Variants in PCNX3 observed in about 807,000 individuals in gnomAD.
PCNX3 encodes pecanex 3, also known as pecanex-like protein 3.
PCNX3 carries 58 observed loss-of-function variants against 207.2 expected under a neutral mutation model. The observed-to-expected ratio is 0.28, with a 90% CI of 0.23 to 0.35. PCNX3 has a LOEUF of 0.35. Ranked by LOEUF, PCNX3 falls within the 10% of genes least tolerant of loss-of-function variation. The pLI is 1.00. For synonymous variants in PCNX3, 1,337 were observed against 1,183.5 expected (o/e 1.13, Z -2.66); for missense variants, 2,410 against 2,774.4 (o/e 0.87, Z 2.95).
At position 65,635,032 on chromosome 11, in the gene PCNX3, C is replaced by G; in HGVS notation, c.4865C>G (p.Ser1622Cys). Residue 1622 changes from serine to cysteine, a missense_variant, in exon 30 of 35, where the codon TCC (serine) becomes TGC (cysteine). By Grantham distance (112) the Ser-to-Cys change is moderately radical. Transcript: ENST00000355703. The surrounding 1 kb of genome is among the most constrained non-coding windows in gnomAD (Gnocchi z 9.9). ...TTCAAGGGGGATTTTCGCATCACCT[C>G]CCCACGTGACGAGTGGGTCTTTGCC... ...ALFKGDFRIT[S>C]PRDEWVFADM... 6.2e-7 allele frequency: 1 copy of G among 1,613,896 alleles called. No individual in the cohort carries two copies. The highest frequency in any genetic ancestry group is 1.3e-5 in the African/African-American group (1 of 75,026).
At chr11:65,634,446 T>G in intron 28 of PCNX3, 90 bp downstream of exon 28, 2 of 1,507,282 alleles carry the variant, frequency 1.3e-6, no homozygotes, top group Middle Eastern at 1.7e-4. Flanking sequence ...CCTCTCACTC[T>G]GAGCCTCCCT....
chr11:65,628,775 G>GGGGGGGGGGGGC, intron 23 of PCNX3, 44 bp from the exon 24 acceptor site: 26 of 1,500,230 alleles, frequency 1.7e-5, no homozygotes, highest in East Asian at 4.8e-5. Flanking sequence ...GTGGTGGGGG[G>GGGGGGGGGGGGC]CTGGGAGGTC....
Position 65,625,621 on chromosome 11 carries a change from G to A in PCNX3, c.3136-31G>A, listed in dbSNP as rs762273516. On this transcript the variant is annotated intron_variant, in intron 18 of 34. Coordinates refer to ENST00000355703, the MANE Select transcript of PCNX3 (RefSeq NM_032223.4). This position sits in a 1 kb window ranked among gnomAD's most constrained non-coding sequence, Gnocchi z 5.6. ...GGGCAGCTGAGTGTCTCTCCTGGCCGGGCAGCTGAATGTCTCTCCTGGCCC... is the reference window on the plus strand; with the variant it reads ...GGGCAGCTGAGTGTCTCTCCTGGCCAGGCAGCTGAATGTCTCTCCTGGCCC... 2 of 1,601,308 alleles carry A rather than the reference G, an allele frequency of 1.2e-6. No homozygotes were observed. The highest frequency in any genetic ancestry group is 1.3e-5 in the African/African-American group (1 of 74,774).
intron 1 of PCNX3, among the ~76,000 whole-genome samples, 173 bp downstream of exon 1, chr11:65,616,637 C>T (rs1454173610): frequency 1.3e-5 from 2 of 152,164 alleles, no homozygotes; most frequent in East Asian, 1.9e-4. Context: ...TGACCTTGAA[C>T]CCTACACTTA....
chr11:65,625,931 C>T lies in PCNX3; in HGVS notation c.3256C>T (p.Leu1086=), dbSNP rs1855363944. The change falls in exon 20 of 35, where the codon CTG becomes TTG. Residue 1086 remains leucine (L), a synonymous_variant. Coordinates refer to ENST00000355703, the MANE Select transcript of PCNX3 (RefSeq NM_032223.4). This position sits in a 1 kb window ranked among gnomAD's most constrained non-coding sequence, Gnocchi z 5.6. ...GGTGCTGGGTTTCGTGTTGTACGCA[C>T]TGGCTGGGGCCGTGGGCTTCTTCAC... is the stretch of plus-strand genomic sequence containing the variant. The part of the protein sequence containing the change: ...KSVLGFVLYA[L]AGAVGFFTHY... 1 of 1,613,714 alleles carries T rather than the reference C, an allele frequency of 6.2e-7. No individual in the cohort carries two copies. Among genetic ancestry groups the T allele is most frequent in the African/African-American group, 1.3e-5 (1 of 74,916 alleles).
rs753344823 is a variant in PCNX3, at chr11:65,625,259, G to A, written c.3008G>A (p.Ser1003Asn). 7 of 1,610,054 alleles carry A rather than the reference G, an allele frequency of 4.3e-6. No homozygotes were observed. Among genetic ancestry groups the A allele is most frequent in the Admixed American group, 1.7e-5 (1 of 59,978 alleles). The change falls in exon 17 of 35, where the codon AGC (serine) becomes AAC (asparagine). Residue 1003 changes from serine (S) to asparagine (N), a missense_variant. Coordinates refer to ENST00000355703, the MANE Select transcript of PCNX3 (RefSeq NM_032223.4). This position sits in a 1 kb window ranked among gnomAD's most constrained non-coding sequence, Gnocchi z 5.6. ...CTGTCCTACCACCTGAGCCGGCAGA[G>A]CAGCGACCCCACCGTGCTCTGGTGG... ...VALSYHLSRQ[S>N]SDPTVLWSLI...
chr11:65,633,547 C>T (rs905774804), intron 27 of PCNX3, among the ~76,000 whole-genome samples: 1 of 152,244 alleles, frequency 6.6e-6, no homozygotes, highest in Non-Finnish European at 1.5e-5. Flanking sequence ...CTCCCCGCCC[C>T]CTGCCCATGT....
Position 65,618,638 on chromosome 11 carries a change from G to A in PCNX3, c.1276G>A (p.Glu426Lys). ...CTTCTTTGAGGATGAAGACACTAGT[G>A]AGGGCAGTGAACTGAGCCCGGCCTC... ...GGFFEDEDTS[E>K]GSELSPASSL... The change falls in exon 6 of 35, where the codon GAG (glutamate) becomes AAG (lysine). Residue 426 changes from glutamate (E) to lysine (K), a missense_variant. Around this residue, in one of 8 missense-constraint regions of PCNX3, gnomAD observed 1,104 missense variants for 970.3 expected, o/e 1.14. Transcript: ENST00000355703. 1 of 1,613,088 alleles carries A rather than the reference G, an allele frequency of 6.2e-7. No homozygotes were observed. Among genetic ancestry groups the A allele is most frequent in the Non-Finnish European group, 8.5e-7 (1 of 1,179,844 alleles).
chr11:65,635,499 G>A lies in PCNX3; in HGVS notation c.5185-30G>A, dbSNP rs370816986. ...GCCCTGCCCCAAACCCCCTTGGGCC[G>A]GCCCCCTGACCCTGGCGTGTGGCTC... On this transcript the variant is annotated intron_variant, in intron 31 of 34. Coordinates refer to ENST00000355703, the MANE Select transcript of PCNX3 (RefSeq NM_032223.4). This position sits in a 1 kb window ranked among gnomAD's most constrained non-coding sequence, Gnocchi z 9.9. The A allele has an allele frequency of 3.4e-5, 55 of 1,606,896 alleles. No homozygotes were observed. The African/African-American group carries it at 3.6e-4, about 11-fold the overall frequency.
At position 65,634,277 on chromosome 11, in the gene PCNX3, G is replaced by A. The variant is rs111565484; in HGVS notation, c.4622G>A (p.Arg1541His). 1,221 of 1,611,726 alleles carry A rather than the reference G, an allele frequency of 7.6e-4. 4 individuals carry two copies. Among genetic ancestry groups the A allele is most frequent in the Non-Finnish European group, 8.8e-4 (1,043 of 1,179,248 alleles). ...AGTGTGGATGAGGACTATGACCTCC[G>A]CCTGTCTGGCCTCTCGCTGCCCTCC... Reference protein sequence around the residue: ...SLSVDEDYDLRLSGLSLPSFC... With the variant: ...SLSVDEDYDLHLSGLSLPSFC... Residue 1541 changes from arginine to histidine, a missense_variant, in exon 28 of 35, where the codon CGC (arginine) becomes CAC (histidine). Coordinates refer to ENST00000355703, the MANE Select transcript of PCNX3 (RefSeq NM_032223.4).
chr11:65,626,290 C>T (rs994431757), intron 20 of PCNX3: 2 of 685,200 alleles, frequency 2.9e-6, no homozygotes, highest in African/African-American at 1.8e-5. Flanking sequence ...TGGTCCTGCC[C>T]TCCTTCCTGT....
At chr11:65,626,657 T>C (rs1855405819) in intron 20 of PCNX3, 3 of 560,494 alleles carry the variant, frequency 5.4e-6, no homozygotes, top group South Asian at 2.0e-5. Context: ...GATTTCATCA[T>C]TGGCCTTGTT....
At position 65,618,662 on chromosome 11, in the gene PCNX3, T is replaced by C; in HGVS notation, c.1300T>C (p.Ser434Pro). Residue 434 changes from serine to proline, a missense_variant, in exon 6 of 35, where the codon TCC (serine) becomes CCC (proline). Physicochemically the swap from Ser to Pro is moderately conservative, Grantham distance 74 (BLOSUM62 -1). Around this residue, in one of 8 missense-constraint regions of PCNX3, gnomAD observed 1,104 missense variants for 970.3 expected, o/e 1.14. Transcript: ENST00000355703. ...TSEGSELSPA[S>P]SLRSQRRYST... ...TGAGGGCAGTGAACTGAGCCCGGCCTCCAGTCTCCGATCGCAGCGCCGCTA... is the reference window on the plus strand; with the variant it reads ...TGAGGGCAGTGAACTGAGCCCGGCCCCCAGTCTCCGATCGCAGCGCCGCTA... 1 of 1,613,236 alleles carries C rather than the reference T, an allele frequency of 6.2e-7. No individual in the cohort carries two copies. Among genetic ancestry groups the C allele is most frequent in the Non-Finnish European group, 8.5e-7 (1 of 1,179,820 alleles).
Position 65,635,920 on chromosome 11 carries a change from C to T in PCNX3, c.5459+117C>T, listed in dbSNP as rs1037446257. On this transcript the variant is annotated intron_variant, in intron 32 of 34. Transcript: ENST00000355703. The surrounding 1 kb of genome is among the most constrained non-coding windows in gnomAD (Gnocchi z 9.9). ...CCAGGGCTTGAATCCCGAGAGATGACCCCCTCCCAGAGCTGACCTGCCCCT... is the reference window on the plus strand; with the variant it reads ...CCAGGGCTTGAATCCCGAGAGATGATCCCCTCCCAGAGCTGACCTGCCCCT... 7.2e-6 allele frequency: 10 copies of T among 1,395,782 alleles called. No individual in the cohort carries two copies. The African/African-American group carries it at 8.7e-5, about 12-fold the overall frequency. The allele number at this position is 1,395,782 out of a possible 1,614,324, so 86.5% of individuals were successfully genotyped here.
rs779417689 is a variant in PCNX3 at position 65,625,038 on chromosome 11, G to T, written c.2919+22G>T. The T allele has an allele frequency of 1.1e-5, 18 of 1,604,512 alleles. No homozygotes were observed. Among genetic ancestry groups the T allele is most frequent in the Non-Finnish European group, 1.5e-5 (18 of 1,173,996 alleles). On this transcript the variant is annotated intron_variant, in intron 16 of 34. Transcript: ENST00000355703. This position sits in a 1 kb window ranked among gnomAD's most constrained non-coding sequence, Gnocchi z 5.6. ...CAAGGTAGGGGTGGCTTGCGAGGTG[G>T]GGGCATGCTGCAGTGCGTAAGGGTG...
rs755902106 is a variant in PCNX3, at chr11:65,636,993, A to G, written c.*15A>G. On this transcript the variant is annotated 3_prime_UTR_variant, in exon 35 of 35. Coordinates refer to ENST00000355703, the MANE Select transcript of PCNX3 (RefSeq NM_032223.4). ...ACCAGTACTGAGCTACCTGGCGCCC[A>G]CTGGACCACCTCCTAGGATTCAGTA... The G allele has an allele frequency of 7.7e-6, 12 of 1,559,400 alleles. No homozygotes were observed. Among genetic ancestry groups the G allele is most frequent in the Admixed American group, 1.9e-5 (1 of 53,238 alleles).
chr11:65,616,773 C>G, intron 1 of PCNX3, 51 bp from the exon 2 acceptor site: 3 of 1,569,268 alleles, frequency 1.9e-6, no homozygotes, highest in Non-Finnish European at 2.6e-6. Flanking sequence ...CAGGTACATC[C>G]TGTGGGGGCG....
chr11:65,624,963 C>T lies in PCNX3; in HGVS notation c.2866C>T (p.Arg956Cys), dbSNP rs1326314872. Residue 956 changes from arginine to cysteine, a missense_variant, in exon 16 of 35, where the codon CGC becomes TGC. Arg to Cys is a radical substitution (Grantham distance 180). This residue lies in a region of PCNX3 where 333 missense variants were observed against 386.8 expected (regional missense o/e 0.86). Transcript: ENST00000355703. ...SPLTAVFSLS[R>C]SLLAAALLYG... is the part of the protein sequence containing the mutation. The stretch of plus-strand genomic sequence containing the variant: ...GCTCACGGCAGTCTTCAGCCTCTCC[C>T]GCAGCCTGCTGGCTGCTGCCCTGCT... 6.2e-7 allele frequency: 1 copy of T among 1,612,354 alleles called. No individual in the cohort carries two copies. The highest frequency in any genetic ancestry group is 1.3e-5 in the African/African-American group (1 of 74,918).
At chr11:65,627,662 T>A in intron 22 of PCNX3, 80 bp downstream of exon 22, 2 of 1,520,946 alleles carry the variant, frequency 1.3e-6, no homozygotes, top group Non-Finnish European at 1.8e-6. Flanking sequence ...GAAGAGAATT[T>A]CCTGAGGGCC....
Sources: allele counts gnomAD v4.1 joint callset (sites outside exome capture counted in the v4.1 genomes callset), GRCh38; gene constraint gnomAD v4.1.1; regional missense constraint gnomAD v4.1.1; non-coding constraint Gnocchi (gnomAD v3.1); transcripts MANE v1.5; gene names NCBI Gene and HGNC (gene_info 2026-07-23, HGNC 2026-07-21).